PHACTR1: variants seen among roughly 807,000 people sequenced by gnomAD.
PHACTR1 encodes RPEL repeat containing 1.
PHACTR1 carries 16 observed loss-of-function variants against 69.2 expected under a neutral mutation model. That is an observed-to-expected ratio of 0.23 (90% CI 0.16 to 0.35). The LOEUF (loss-of-function observed/expected upper bound fraction) is 0.35, where lower values mean the gene tolerates loss of function less well. Ranked by LOEUF, PHACTR1 falls within the 10% of genes least tolerant of loss-of-function variation. PHACTR1 has a pLI of 1.00. For synonymous variants in PHACTR1, 312 were observed against 284.5 expected, an observed-to-expected ratio of 1.10 and a Z score of -0.97; for missense variants, 510 against 734.7, an observed-to-expected ratio of 0.69 and a Z score of 3.54.
In PHACTR1 at chr6:13,287,280, G is replaced by A. The variant is rs1781874150; in HGVS notation, c.*202G>A. 1 of 608,484 alleles carries A rather than the reference G, an allele frequency of 1.6e-6. No homozygotes were observed. Among genetic ancestry groups the A allele is most frequent in the African/African-American group, 1.9e-5 (1 of 51,978 alleles). The allele number at this position is 608,484 out of a possible 1,614,324, so 37.7% of individuals were successfully genotyped here. ...TGATGGCTCGGCGGTCCGAGCTGCT[G>A]GTCCCACTTCTGACACCAAAATGCA... On this transcript the variant is annotated 3_prime_UTR_variant, in exon 15 of 15. Transcript: ENST00000332995.
chr6:13,208,970 C>T (rs1766370178), intron 8 of PHACTR1, among the ~76,000 whole-genome samples: 1 of 152,156 alleles, frequency 6.6e-6, no homozygotes, highest in African/African-American at 2.4e-5. Flanking sequence ...TTTCCTCCTT[C>T]TTTCTCCCTC....
chr6:13,272,772 G>A, intron 10 of PHACTR1, 88 bp from the exon 11 acceptor site: 1 of 1,613,768 alleles, frequency 6.2e-7, no homozygotes, highest in Admixed American at 1.7e-5. Flanking sequence ...GCCACTGACT[G>A]TCTCATGTAT....
intron 3 of PHACTR1, among the ~76,000 whole-genome samples, chr6:12,720,692 T>C (rs1264224280): frequency 6.6e-6 from 1 of 152,228 alleles, no homozygotes; most frequent in Non-Finnish European, 1.5e-5. Flanking sequence ...CCGCACACAT[T>C]GTCTAGGTCA....
intron 4 of PHACTR1, among the ~76,000 whole-genome samples, chr6:12,990,706 A>G (rs1796723703): frequency 6.6e-6 from 1 of 152,206 alleles, no homozygotes; most frequent in South Asian, 2.1e-4. Flanking sequence ...TTGATACCCA[A>G]GTTCTTGTTT....
chr6:13,266,564 G>C (rs939669667), intron 10 of PHACTR1: 9 of 152,630 alleles, frequency 5.9e-5, no homozygotes, highest in African/African-American at 1.9e-4. Flanking sequence ...GGTTTAATTG[G>C]CTCACAGTTC....
intron 4 of PHACTR1, among the ~76,000 whole-genome samples, chr6:12,782,915 G>A (rs527877776): frequency 6.6e-6 from 1 of 151,984 alleles, no homozygotes; most frequent in Non-Finnish European, 1.5e-5. Context: ...ATTTAGAGGG[G>A]CAAAAAAAGG....
At chr6:13,181,879 T>C (rs1762216211) in intron 6 of PHACTR1, among the ~76,000 whole-genome samples, 1 of 152,202 alleles carries the variant, frequency 6.6e-6, no homozygotes, top group African/African-American at 2.4e-5. Context: ...CTGAGTTTTT[T>C]CCCAAGTTTT....
chr6:12,781,726 C>T (rs1056874016), intron 4 of PHACTR1, among the ~76,000 whole-genome samples: 5 of 152,160 alleles, frequency 3.3e-5, no homozygotes, highest in Non-Finnish European at 4.4e-5. Flanking sequence ...AGAGTGTTCC[C>T]GAATCTTTCC....
intron 5 of PHACTR1, among the ~76,000 whole-genome samples, chr6:13,058,593 TA>T (rs1256973755): frequency 6.6e-6 from 1 of 151,958 alleles, no homozygotes; most frequent in African/African-American, 2.4e-5. Context: ...ATTATAAAAA[TA>T]AAGGTAAAGT....
chr6:13,140,455 A>G (rs983485343), intron 5 of PHACTR1, among the ~76,000 whole-genome samples: 1 of 152,240 alleles, frequency 6.6e-6, no homozygotes, highest in African/African-American at 2.4e-5. Flanking sequence ...CTCATCATTA[A>G]AAAAGAAAGG....
At chr6:13,139,414 C>T (rs1473181247) in intron 5 of PHACTR1, among the ~76,000 whole-genome samples, 1 of 152,026 alleles carries the variant, frequency 6.6e-6, no homozygotes, top group Non-Finnish European at 1.5e-5. Flanking sequence ...AAAAAGTTTG[C>T]CAACACCTGC....
intron 5 of PHACTR1, among the ~76,000 whole-genome samples, chr6:13,114,297 A>G (rs1258124097): frequency 6.6e-6 from 1 of 151,928 alleles, no homozygotes; most frequent in Non-Finnish European, 1.5e-5. Context: ...TCAGAGTTTC[A>G]GTCTCTGGAG....
chr6:13,268,689 C>T (rs551763692), intron 10 of PHACTR1, among the ~76,000 whole-genome samples: 1 of 152,326 alleles, frequency 6.6e-6, no homozygotes, highest in East Asian at 1.9e-4. Flanking sequence ...AGAACCCAAA[C>T]CTCCTAGCTC....
At chr6:13,017,806 T>A (rs1031798186) in intron 4 of PHACTR1, among the ~76,000 whole-genome samples, 1 of 152,100 alleles carries the variant, frequency 6.6e-6, no homozygotes, top group African/African-American at 2.4e-5. Flanking sequence ...TAACAGTTTT[T>A]AAAAATATCT....
intron 6 of PHACTR1, among the ~76,000 whole-genome samples, chr6:13,171,650 C>T (rs981772382): frequency 1.3e-5 from 2 of 152,186 alleles, no homozygotes; most frequent in African/African-American, 2.4e-5. Context: ...TCAATTTTAA[C>T]GAACTTGAAC....
chr6:12,746,570 G>A (rs1025124375), intron 3 of PHACTR1, among the ~76,000 whole-genome samples: 1 of 152,114 alleles, frequency 6.6e-6, no homozygotes. Context: ...GATAAATGTA[G>A]TATTTCTATG....
intron 10 of PHACTR1, among the ~76,000 whole-genome samples, chr6:13,232,628 G>A (rs547594268): frequency 6.6e-6 from 1 of 152,068 alleles, no homozygotes; most frequent in African/African-American, 2.4e-5. Context: ...CCACCCATTG[G>A]TCTTATTCTG....
intron 4 of PHACTR1, among the ~76,000 whole-genome samples, chr6:12,900,152 T>G (rs1561992932): frequency 6.6e-6 from 1 of 152,234 alleles, no homozygotes; most frequent in Non-Finnish European, 1.5e-5. Context: ...TCAAACCACT[T>G]GTTCTTCCTC....
chr6:12,883,807 T>G (rs1418325763), intron 4 of PHACTR1, among the ~76,000 whole-genome samples: 1 of 152,226 alleles, frequency 6.6e-6, no homozygotes, highest in African/African-American at 2.4e-5. Context: ...CCTTTCCTCC[T>G]GCATACATAT....
Sources: allele counts gnomAD v4.1 joint callset (sites outside exome capture counted in the v4.1 genomes callset), GRCh38; gene constraint gnomAD v4.1.1; transcripts MANE v1.5; gene names NCBI Gene and HGNC (gene_info 2026-07-23, HGNC 2026-07-21).